The following STK3 variants were observed in gnomAD, a reference collection of about 807,000 sequenced individuals.
The protein encoded by STK3 is serine/threonine kinase 3.
In STK3, 41 loss-of-function variants were observed where a neutral mutation model predicts 58.0. The ratio of observed to expected loss-of-function variants is 0.71; its 90% CI spans 0.55 to 0.92. The LOEUF is 0.92. Among genes scored for constraint, STK3 ranks in the 40% least tolerant of loss-of-function variants. STK3 has a pLI of 0.00. For synonymous variants in STK3, 170 were observed against 191.0 expected (o/e 0.89, Z 0.91); for missense variants, 479 against 602.7 (o/e 0.79, Z 2.15).
intron 3 of STK3, among the ~76,000 whole-genome samples, chr8:98,425,026 C>A (rs772374461): frequency 9.9e-5 from 15 of 152,184 alleles, no homozygotes; most frequent in Non-Finnish European, 1.5e-4. Flanking sequence ...GCCACCATCA[C>A]CCCGCCGAAG....
intron 1 of STK3, among the ~76,000 whole-genome samples, chr8:98,799,584 C>G (rs1025940872): frequency 6.6e-6 from 1 of 152,142 alleles, no homozygotes; most frequent in Non-Finnish European, 1.5e-5. Flanking sequence ...TATCTGCCTC[C>G]CCACTAACTG....
At chr8:98,367,514 G>A (rs1366106115), downstream of STK3, among the ~76,000 whole-genome samples, 2 of 152,190 alleles carry the variant, frequency 1.3e-5, no homozygotes, top group Non-Finnish European at 2.9e-5. Context: ...GAGGCTGCAG[G>A]CCAACTGCTG....
chr8:98,864,197 C>CA (rs35196007), intron 3 of STK3, among the ~76,000 whole-genome samples: 2,377 of 37,358 alleles, frequency 0.064, 417 homozygotes, highest in African/African-American at 0.22. Context: ...GACTCCTTCT[C>CA]AAAAAAAAAA....
At chr8:98,790,619 C>T (rs996659269) in intron 1 of STK3, among the ~76,000 whole-genome samples, 4 of 152,252 alleles carry the variant, frequency 2.6e-5, no homozygotes, top group African/African-American at 9.6e-5. Context: ...GACAAGGATG[C>T]CCACTCTCAC....
intron 6 of STK3, among the ~76,000 whole-genome samples, chr8:98,659,020 A>T (rs1488251680): frequency 6.6e-6 from 1 of 152,090 alleles, no homozygotes; most frequent in Non-Finnish European, 1.5e-5. Context: ...GTACAGTAAC[A>T]TGCTGTAAAG....
intron 7 of STK3, among the ~76,000 whole-genome samples, chr8:98,585,191 A>C (rs947847381): frequency 1.3e-5 from 2 of 151,920 alleles, no homozygotes; most frequent in Non-Finnish European, 2.9e-5. Context: ...CCTGAATGGT[A>C]ATGCCTAGGT....
chr8:98,609,356 T>C (rs966698480), intron 6 of STK3, among the ~76,000 whole-genome samples: 4 of 152,184 alleles, frequency 2.6e-5, no homozygotes, highest in Non-Finnish European at 4.4e-5. Flanking sequence ...AAAAGAAGTG[T>C]ATGGTTTGGA....
At chr8:98,891,113 A>G (rs995629070) in intron 1 of STK3, among the ~76,000 whole-genome samples, 2 of 152,222 alleles carry the variant, frequency 1.3e-5, no homozygotes, top group African/African-American at 4.8e-5. Flanking sequence ...GCCAGCTAAG[A>G]GCCTCTGAAG....
At chr8:98,534,095 A>G (rs1482997674) in intron 9 of STK3, among the ~76,000 whole-genome samples, 1 of 152,216 alleles carries the variant, frequency 6.6e-6, no homozygotes, top group Non-Finnish European at 1.5e-5. Flanking sequence ...GTAATAACAG[A>G]ATGATCTATC....
At chr8:98,380,749 C>T (rs1586542851) in intron 1 of STK3, among the ~76,000 whole-genome samples, 1 of 152,112 alleles carries the variant, frequency 6.6e-6, no homozygotes, top group Non-Finnish European at 1.5e-5. Flanking sequence ...AAAAGTTGAG[C>T]ATGCTTTCAT....
At chr8:98,562,326 T>G (rs1287662340) in intron 8 of STK3, among the ~76,000 whole-genome samples, 1 of 152,052 alleles carries the variant, frequency 6.6e-6, no homozygotes, top group Non-Finnish European at 1.5e-5. Flanking sequence ...AATGTAATAC[T>G]ATTCAGTGAT....
At chr8:98,832,399 T>C (rs911949874) in intron 3 of STK3, among the ~76,000 whole-genome samples, 1 of 152,000 alleles carries the variant, frequency 6.6e-6, no homozygotes, top group Non-Finnish European at 1.5e-5. Flanking sequence ...AATTAAGCTA[T>C]ATACTTCAAA....
Position 98,800,177 on chromosome 8 carries a change from T to C in STK3, c.26+25338A>G, listed in dbSNP as rs771370564. On this transcript the variant is annotated intron_variant, in intron 1 of 10. Transcript: ENST00000419617. The surrounding 1 kb of genome is among the most constrained non-coding windows in gnomAD (Gnocchi z 4.8). ...CTCCTTGTTTTGTTTCCTCTAGAAT[T>C]GAGGCCACCAAGCTACAGATGGTCT... is the stretch of plus-strand genomic sequence containing the variant. 5.9e-5 allele frequency among the ~76,000 whole-genome samples: 9 copies of C among 152,188 alleles called. No homozygotes were observed. The highest frequency in any genetic ancestry group is 1.0e-4 in the Non-Finnish European group (7 of 68,026).
At chr8:98,622,612 T>C (rs1818415708) in intron 6 of STK3, among the ~76,000 whole-genome samples, 1 of 152,228 alleles carries the variant, frequency 6.6e-6, no homozygotes. Context: ...ACTATATTAA[T>C]ACATAGATTT....
intron 1 of STK3, among the ~76,000 whole-genome samples, chr8:98,383,570 GATTTTAAA>G (rs1183768882): frequency 1.3e-5 from 2 of 152,198 alleles, no homozygotes; most frequent in South Asian, 2.1e-4. Context: ...GAAACGTCCT[GATTTTAAA>G]ATTTGGGTAA....
intron 10 of STK3, among the ~76,000 whole-genome samples, chr8:98,487,592 T>C (rs1822367567): frequency 6.6e-6 from 1 of 152,236 alleles, no homozygotes; most frequent in Admixed American, 6.5e-5. Flanking sequence ...AGGCATTCCA[T>C]TCCACTTATA....
At chr8:98,475,351 A>C (rs1399825011) in intron 10 of STK3, among the ~76,000 whole-genome samples, 1 of 152,204 alleles carries the variant, frequency 6.6e-6, no homozygotes, top group Admixed American at 6.5e-5. Context: ...AATGTAGAAC[A>C]TCCATTGTTA....
intron 10 of STK3, among the ~76,000 whole-genome samples, chr8:98,519,053 A>C (rs1825159100): frequency 6.6e-6 from 1 of 152,158 alleles, no homozygotes; most frequent in African/African-American, 2.4e-5. Flanking sequence ...ATCTGGAAAT[A>C]CTTGACAATA....
intron 4 of STK3, among the ~76,000 whole-genome samples, chr8:98,714,864 A>G (rs981232233): frequency 1.2e-4 from 19 of 152,154 alleles, no homozygotes; most frequent in Non-Finnish European, 2.1e-4. Flanking sequence ...GAGGCATCAC[A>G]CTACCTGACT....
Sources: allele counts gnomAD v4.1 joint callset (sites outside exome capture counted in the v4.1 genomes callset), GRCh38; gene constraint gnomAD v4.1.1; non-coding constraint Gnocchi (gnomAD v3.1); transcripts MANE v1.5; gene names NCBI Gene and HGNC (gene_info 2026-07-23, HGNC 2026-07-21).